Variants in RFX6 observed in about 807,000 individuals in gnomAD.
RFX6 encodes regulatory factor X6.
A neutral mutation model predicts 110.8 loss-of-function variants in RFX6; 50 were observed. The observed-to-expected ratio is 0.45, with a 90% confidence interval of 0.36 to 0.57. The LOEUF (loss-of-function observed/expected upper bound fraction) is 0.57. RFX6 is among the 20% of genes least tolerant of loss of function. The pLI is 0.00. For synonymous variants in RFX6, 383 were observed against 411.2 expected (o/e 0.93, Z 0.83); for missense variants, 990 against 1,127.0 (o/e 0.88, Z 1.74).
rs1218141148 is a variant in RFX6 at position 116,877,307 on chromosome 6, T to G, written c.32T>G (p.Phe11Cys). 1.9e-6 allele frequency: 3 copies of G among 1,612,574 alleles called. No individual in the cohort carries two copies. The East Asian group carries it at 6.7e-5, about 36-fold the overall frequency. MAKVPELEDTFLQAQPAPQLS... is the reference protein window; with the variant it reads MAKVPELEDTCLQAQPAPQLS... ...AAGGTCCCGGAGCTGGAAGACACCT[T>G]CCTGCAGGCGCAGCCTGCGCCCCAA... Residue 11 changes from phenylalanine (F) to cysteine (C), a missense_variant, in exon 1 of 19, where the codon TTC becomes TGC. By Grantham distance (205) the Phe-to-Cys change is radical. Coordinates refer to ENST00000332958, the MANE Select transcript of RFX6 (RefSeq NM_173560.4).
intron 2 of RFX6, among the ~76,000 whole-genome samples, chr6:116,878,627 C>T (rs630045): frequency 1.3e-5 from 2 of 151,564 alleles, no homozygotes; most frequent in Non-Finnish European, 2.9e-5. Flanking sequence ...AAAGACGGCT[C>T]TAAAGTAAAA....
chr6:116,931,250 A>C, intron 18 of RFX6, 81 bp from the exon 19 acceptor site: 1 of 1,002,586 alleles, frequency 1.0e-6, no homozygotes, highest in Non-Finnish European at 1.6e-6. Context: ...AAATAAATAC[A>C]GGGTATTAAA....
intron 6 of RFX6, among the ~76,000 whole-genome samples, chr6:116,903,024 G>A (rs1775108821): frequency 6.6e-6 from 1 of 151,900 alleles, no homozygotes; most frequent in Non-Finnish European, 1.5e-5. Flanking sequence ...ATTGAGAAAG[G>A]AAAAAACAAA....
chr6:116,912,100 A>G (rs1582527711), intron 7 of RFX6, among the ~76,000 whole-genome samples: 1 of 152,252 alleles, frequency 6.6e-6, no homozygotes, highest in South Asian at 2.1e-4. Context: ...ACTAAATACT[A>G]CATGTTCTCA....
At chr6:116,930,350 A>C (rs1246801390) in intron 18 of RFX6, among the ~76,000 whole-genome samples, 2 of 145,188 alleles carry the variant, frequency 1.4e-5, no homozygotes, top group Non-Finnish European at 3.0e-5. Flanking sequence ...AGGGCTAGTG[A>C]GCCAGTTAAT....
At chr6:116,878,104 C>A in intron 2 of RFX6, 152 bp downstream of exon 2, 2 of 808,324 alleles carry the variant, frequency 2.5e-6, no homozygotes, top group African/African-American at 3.5e-5. Flanking sequence ...ATTTTTTTCA[C>A]TGAATTTTTA....
intron 4 of RFX6, among the ~76,000 whole-genome samples, chr6:116,889,173 T>C (rs1407297393): frequency 6.6e-6 from 1 of 152,142 alleles, no homozygotes; most frequent in Non-Finnish European, 1.5e-5. Flanking sequence ...TGTTTACGTA[T>C]GCAACTTTTG....
chr6:116,928,653 C>T, intron 17 of RFX6, 106 bp from the exon 18 acceptor site: 2 of 772,956 alleles, frequency 2.6e-6, no homozygotes, highest in South Asian at 1.4e-5. Flanking sequence ...GTAATACTTA[C>T]AGTTTGATAT....
chr6:116,899,550 T>G (rs953060423), intron 6 of RFX6, among the ~76,000 whole-genome samples: 1 of 152,026 alleles, frequency 6.6e-6, no homozygotes, highest in African/African-American at 2.4e-5. Flanking sequence ...AAACAGAAAT[T>G]ACAACAAATG....
intron 3 of RFX6, among the ~76,000 whole-genome samples, chr6:116,881,222 A>C (rs916914496): frequency 2.0e-5 from 3 of 151,968 alleles, no homozygotes; most frequent in East Asian, 3.9e-4. Context: ...TATATAACTG[A>C]CATTATTATG....
At chr6:116,928,104 A>G (rs922512006) in intron 17 of RFX6, among the ~76,000 whole-genome samples, 1 of 152,118 alleles carries the variant, frequency 6.6e-6, no homozygotes, top group Non-Finnish European at 1.5e-5. Flanking sequence ...AGATAGTTAA[A>G]TCATATGTTT....
intron 15 of RFX6, 150 bp from the exon 16 acceptor site, chr6:116,925,303 G>C: frequency 2.6e-6 from 2 of 759,878 alleles, no homozygotes; most frequent in Non-Finnish European, 4.6e-6. Context: ...GCAAAGGTCT[G>C]CCAACCTCAC....
At chr6:116,913,821 T>C (rs1036078076) in intron 7 of RFX6, among the ~76,000 whole-genome samples, 1 of 152,208 alleles carries the variant, frequency 6.6e-6, no homozygotes, top group African/African-American at 2.4e-5. Context: ...ATGGAATAGA[T>C]GTACATATTT....
chr6:116,915,805 G>T (rs539965575), intron 7 of RFX6, among the ~76,000 whole-genome samples: 40 of 152,112 alleles, frequency 2.6e-4, no homozygotes, highest in African/African-American at 9.2e-4. Context: ...TTATACTGTA[G>T]TTGTCCATTT....
At chr6:116,925,326 A>C in intron 15 of RFX6, 127 bp from the exon 16 acceptor site, 1 of 872,774 alleles carries the variant, frequency 1.1e-6, no homozygotes, top group East Asian at 2.4e-5. Context: ...CCCATGGGAA[A>C]CATTGCTTAG....
At chr6:116,893,541 T>G (rs775327721) in intron 4 of RFX6, among the ~76,000 whole-genome samples, 1 of 152,164 alleles carries the variant, frequency 6.6e-6, no homozygotes, top group Non-Finnish European at 1.5e-5. Context: ...AAGGGTCACA[T>G]GTTTCATACA....
chr6:116,919,237 A>C lies in RFX6; in HGVS notation c.1123A>C (p.Ile375Leu), dbSNP rs764500834. Residue 375 changes from isoleucine to leucine, a missense_variant, in exon 11 of 19, where the codon ATT becomes CTT. By Grantham distance (5) the Ile-to-Leu change is conservative (BLOSUM62 2). Coordinates refer to ENST00000332958, the MANE Select transcript of RFX6 (RefSeq NM_173560.4). ...AGCTCTAACTGACAAGAAAATACCT[A>C]TTGTGCGAAGATTTGTATCTTCTCT... Reference protein sequence around the residue: ...PEALTDKKIPIVRRFVSSLKR... With the variant: ...PEALTDKKIPLVRRFVSSLKR... The C allele has an allele frequency of 6.2e-7, 1 of 1,613,394 alleles. No homozygotes were observed. The highest frequency in any genetic ancestry group is 1.1e-5 in the South Asian group (1 of 91,054).
chr6:116,926,887 T>C (rs1692821668), intron 16 of RFX6, 140 bp from the exon 17 acceptor site: 3 of 762,904 alleles, frequency 3.9e-6, no homozygotes, highest in Non-Finnish European at 6.5e-6. Context: ...TTGGTGCTTT[T>C]CAGTTTAGTT....
intron 9 of RFX6, among the ~76,000 whole-genome samples, chr6:116,916,585 A>G (rs1775471299): frequency 6.6e-6 from 1 of 152,134 alleles, no homozygotes; most frequent in Non-Finnish European, 1.5e-5. Flanking sequence ...GTGAAAACTT[A>G]GTTAAATTTT....
Sources: allele counts gnomAD v4.1 joint callset (sites outside exome capture counted in the v4.1 genomes callset), GRCh38; gene constraint gnomAD v4.1.1; transcripts MANE v1.5; gene names NCBI Gene and HGNC (gene_info 2026-07-23, HGNC 2026-07-21).